The following PTPN12 variants were observed in gnomAD, a reference collection of about 807,000 sequenced individuals.
The protein encoded by PTPN12 is tyrosine-protein phosphatase non-receptor type 12.
Under a neutral mutation model 97.6 loss-of-function variants are expected in PTPN12, and 29 were observed. That is an observed-to-expected ratio of 0.30 (90% CI 0.22 to 0.41). The LOEUF is 0.41. PTPN12 is among the 10% of genes least tolerant of loss of function. The pLI is 1.00. For synonymous variants in PTPN12, 327 were observed against 300.4 expected, an observed-to-expected ratio of 1.09 and a Z score of -0.91; for missense variants, 819 against 926.0, an observed-to-expected ratio of 0.88 and a Z score of 1.50.
At chr7:77,583,516 A>G in intron 3 of PTPN12, 39 bp from the exon 4 acceptor site, 1 of 1,283,312 alleles carries the variant, frequency 7.8e-7, no homozygotes, top group Non-Finnish European at 1.1e-6. Flanking sequence ...ATTTTTGGTA[A>G]TCAAAATAAA....
chr7:77,608,784 T>G (rs1788461050), intron 9 of PTPN12, among the ~76,000 whole-genome samples: 1 of 152,214 alleles, frequency 6.6e-6, no homozygotes, highest in Non-Finnish European at 1.5e-5. Context: ...ATCATCTAAT[T>G]CTCAAATGAA....
intron 9 of PTPN12, 99 bp downstream of exon 9, chr7:77,607,400 A>C (rs1457425239): frequency 1.1e-6 from 1 of 907,732 alleles, no homozygotes; most frequent in South Asian, 1.6e-5. Flanking sequence ...TTTATTATAC[A>C]TGTTATTTTT....
intron 12 of PTPN12, among the ~76,000 whole-genome samples, chr7:77,624,454 T>C (rs1285063539): frequency 2.6e-5 from 4 of 152,072 alleles, no homozygotes; most frequent in African/African-American, 9.7e-5. Context: ...ATTTTATTTA[T>C]TTTGAGACAG....
At chr7:77,576,213 T>A (rs938965217) in intron 2 of PTPN12, among the ~76,000 whole-genome samples, 1 of 152,194 alleles carries the variant, frequency 6.6e-6, no homozygotes, top group Non-Finnish European at 1.5e-5. Flanking sequence ...AGTTCATTCC[T>A]TTTTGTTGTT....
At chr7:77,558,946 C>G (rs1354448909) in intron 1 of PTPN12, among the ~76,000 whole-genome samples, 1 of 152,148 alleles carries the variant, frequency 6.6e-6, no homozygotes, top group Non-Finnish European at 1.5e-5. Context: ...TCCAGTAGTT[C>G]AAAGTTGCAG....
At chr7:77,626,481 G>A (rs765663246) in intron 12 of PTPN12, among the ~76,000 whole-genome samples, 35 of 152,154 alleles carry the variant, frequency 2.3e-4, no homozygotes, top group Non-Finnish European at 4.4e-4. Context: ...GGAGGGCTGC[G>A]GGGCAGAGAC....
At chr7:77,565,417 A>T (rs1281807319) in intron 1 of PTPN12, among the ~76,000 whole-genome samples, 1 of 152,214 alleles carries the variant, frequency 6.6e-6, no homozygotes, top group Non-Finnish European at 1.5e-5. Context: ...CAAATCAAGG[A>T]TGAGTGTTAG....
chr7:77,616,483 C>T (rs1052058532), intron 11 of PTPN12, among the ~76,000 whole-genome samples: 7 of 152,138 alleles, frequency 4.6e-5, no homozygotes, highest in Admixed American at 4.6e-4. Flanking sequence ...GTCCACATTG[C>T]CTTACCTGCA....
intron 1 of PTPN12, among the ~76,000 whole-genome samples, chr7:77,552,837 C>G (rs1163826075): frequency 6.6e-6 from 1 of 152,190 alleles, no homozygotes; most frequent in Non-Finnish European, 1.5e-5. Flanking sequence ...ATTTGAACCA[C>G]TCTCAATCTT....
At position 77,582,244 on chromosome 7, in the gene PTPN12, C is replaced by A. The variant is rs758906213; in HGVS notation, c.285+741C>A. 2.8e-4 allele frequency among the ~76,000 whole-genome samples: 42 copies of A among 151,796 alleles called. No individual in the cohort carries two copies. In the Middle Eastern group the frequency reaches 0.01, roughly 37 times the overall value. On this transcript the variant is annotated intron_variant, in intron 3 of 17. Coordinates refer to ENST00000248594, the MANE Select transcript of PTPN12 (RefSeq NM_002835.4). ...ATCTCCTGACCTGTGATCCACCCGC[C>A]TCTGCCTCCCAAAGTGCTAGGATTA...
At chr7:77,556,063 G>A (rs1011676435) in intron 1 of PTPN12, among the ~76,000 whole-genome samples, 1 of 151,722 alleles carries the variant, frequency 6.6e-6, no homozygotes, top group Admixed American at 6.6e-5. Flanking sequence ...TTGTTTGTTT[G>A]TTTGTTTGTT....
intron 11 of PTPN12, among the ~76,000 whole-genome samples, chr7:77,617,524 ATAG>A (rs1788793078): frequency 6.6e-6 from 1 of 152,342 alleles, no homozygotes; most frequent in Admixed American, 6.5e-5. Flanking sequence ...CATGATGGAC[ATAG>A]TAGAAGTGCC....
intron 8 of PTPN12, among the ~76,000 whole-genome samples, chr7:77,606,146 G>T (rs1455732443): frequency 6.6e-6 from 1 of 151,782 alleles, no homozygotes; most frequent in East Asian, 1.9e-4. Context: ...TAGAGATGGG[G>T]TTTCACCGTG....
At chr7:77,589,104 C>T (rs1236686721) in intron 5 of PTPN12, among the ~76,000 whole-genome samples, 1 of 152,110 alleles carries the variant, frequency 6.6e-6, no homozygotes. Flanking sequence ...GAACTCCTGA[C>T]CTCAGGTGAT....
At chr7:77,565,586 C>G (rs1352607778) in intron 1 of PTPN12, among the ~76,000 whole-genome samples, 1 of 152,192 alleles carries the variant, frequency 6.6e-6, no homozygotes, top group African/African-American at 2.4e-5. Context: ...AAACTTTAAA[C>G]ATTCTCAGGA....
rs139289279 is a variant in PTPN12 at position 77,625,468 on chromosome 7, G to GCTCTCTCTCTCTCTCTCTCTCT, written c.1026-1234_1026-1233insTCTCTCTCTCTCTCTCTCTCTC. ...AGGGTTTTGCCATATTGCCCAGGCTGCTCGCTCTCTCTCTCTCTCTCTCTC... is the reference window on the plus strand; with the variant it reads ...AGGGTTTTGCCATATTGCCCAGGCTGCTCTCTCTCTCTCTCTCTCTCTCTCGCTCTCTCTCTCTCTCTCTCTC... On this transcript the variant is annotated intron_variant, in intron 12 of 17. Transcript: ENST00000248594. 6.1e-4 allele frequency among the ~76,000 whole-genome samples: 15 copies of GCTCTCTCTCTCTCTCTCTCTCT among 24,750 alleles called. 2 individuals are homozygous for GCTCTCTCTCTCTCTCTCTCTCT. Among genetic ancestry groups the GCTCTCTCTCTCTCTCTCTCTCT allele is most frequent in the African/African-American group, 2.5e-3 (10 of 4,052 alleles). The allele number at this position is 24,750 out of a possible 152,430, so 16.2% of individuals were successfully genotyped here. A position where few individuals can be genotyped will look rare whatever the true frequency, so the allele number is the denominator to read the frequency against.
rs146908515 is a variant in PTPN12 at position 77,629,012 on chromosome 7, C to T, written c.1996+1337C>T. On this transcript the variant is annotated intron_variant, in intron 13 of 17. Coordinates refer to ENST00000248594, the MANE Select transcript of PTPN12 (RefSeq NM_002835.4). Reference sequence around the variant, plus strand: ...TTGCCCAGGCTGAAGTGCAGTGGCGCAATCTTGGCTCACTGCAACCTCCGC... The same window carrying T: ...TTGCCCAGGCTGAAGTGCAGTGGCGTAATCTTGGCTCACTGCAACCTCCGC... Among the ~76,000 whole-genome samples, 1,267 of 152,238 alleles carry T rather than the reference C, an allele frequency of 8.3e-3. 6 individuals carry two copies. The highest frequency in any genetic ancestry group is 0.012 in the Non-Finnish European group (810 of 68,004).
At chr7:77,548,671 G>A (rs373036079) in intron 1 of PTPN12, among the ~76,000 whole-genome samples, 1 of 152,178 alleles carries the variant, frequency 6.6e-6, no homozygotes. Context: ...CTAGAGTAGA[G>A]CATAAATATC....
intron 8 of PTPN12, chr7:77,601,035 G>A (rs1788172827): frequency 2.2e-6 from 1 of 448,238 alleles, no homozygotes; most frequent in African/African-American, 2.0e-5. Context: ...TTCACATGGT[G>A]GGAAGCTATA....
Sources: allele counts gnomAD v4.1 joint callset (sites outside exome capture counted in the v4.1 genomes callset), GRCh38; gene constraint gnomAD v4.1.1; transcripts MANE v1.5; gene names NCBI Gene and HGNC (gene_info 2026-07-23, HGNC 2026-07-21).